TTN: variants seen among roughly 807,000 people sequenced by gnomAD.
The protein encoded by TTN is connectin.
In TTN, 1,525 loss-of-function variants were observed where a neutral mutation model predicts 3,223.0. That is an observed-to-expected ratio of 0.47 (90% CI 0.45 to 0.49). TTN has a LOEUF of 0.49. Ranked by LOEUF, TTN falls within the 20% of genes least tolerant of loss-of-function variation. TTN has a pLI of 0.00. For missense variants in TTN, 40,786 were observed against 43,424.0 expected, an observed-to-expected ratio of 0.94 and a Z score of 5.40; for synonymous variants, 14,094 against 15,161.0, an observed-to-expected ratio of 0.93 and a Z score of 5.17.
At position 178,592,008 on chromosome 2, in the gene TTN, G is replaced by A; in HGVS notation, c.59896C>T (p.Pro19966Ser). 1 of 1,613,000 alleles carries A rather than the reference G, an allele frequency of 6.2e-7. No individual in the cohort carries two copies. The change falls in exon 302 of 363, where the codon CCA becomes TCA. Residue 19966 changes from proline to serine, a missense_variant. Coordinates refer to ENST00000589042, the MANE Select transcript of TTN (RefSeq NM_001267550.2). ...QYGRGPFVET[P>S]KPIKALDPLH... ...GGATCCAAAGCCTTGATTGGTTTTG[G>A]TGTTTCAACAAAAGGACCACGTCCA...
intron 47 of TTN, chr2:178,750,112 T>C: frequency 6.2e-7 from 1 of 1,613,202 alleles, no homozygotes; most frequent in Non-Finnish European, 8.5e-7. Flanking sequence ...AAAGCAATTC[T>C]GTGTCTCCAG....
Position 178,595,740 on chromosome 2 carries a change from C to T in TTN, c.57614G>A (p.Trp19205Ter), listed in dbSNP as rs772966626. The change falls in exon 295 of 363, where the codon TGG (tryptophan) becomes TAG (stop). Residue 19205 changes from tryptophan (W) to a stop codon, truncating the protein, a stop_gained. Transcript: ENST00000589042. LOFTEE classifies it high-confidence loss of function. ...NLTNESCKLT[W>*]FSPEDDGGSP... ...GCCTCCATCATCTTCTGGAGAAAAC[C>T]ATGTCAGTTTGCAGGACTCATTGGT... 6.2e-7 allele frequency: 1 copy of T among 1,609,466 alleles called. No homozygotes were observed. Among genetic ancestry groups the T allele is most frequent in the Non-Finnish European group, 8.5e-7 (1 of 1,178,034 alleles).
Position 178,552,224 on chromosome 2 carries a change from A to G in TTN, c.90676T>C (p.Ser30226Pro), listed in dbSNP as rs1334122653. 6.2e-7 allele frequency: 1 copy of G among 1,613,398 alleles called. No individual in the cohort carries two copies. The highest frequency in any genetic ancestry group is 1.7e-5 in the Admixed American group (1 of 59,946). The change falls in exon 335 of 363, where the codon TCA (serine) becomes CCA (proline). Residue 30226 changes from serine to proline, a missense_variant. Physicochemically the swap from Ser to Pro is moderately conservative, Grantham distance 74 (BLOSUM62 -1). Coordinates refer to ENST00000589042, the MANE Select transcript of TTN (RefSeq NM_001267550.2). ...PITVITLGPP[S>P]KPKGPIRFDE... ...AATCGAATGGGTCCTTTGGGCTTTG[A>G]TGGTGGGCCAAGGGTGATGACTGTA...
chr2:178,791,968 A>G, intron 10 of TTN, 104 bp downstream of exon 10: 1 of 1,293,604 alleles, frequency 7.7e-7, no homozygotes, highest in Non-Finnish European at 1.1e-6. Flanking sequence ...AAAATATACA[A>G]CCAAAGACTT....
At position 178,717,262 on chromosome 2, in the gene TTN, T is replaced by C; in HGVS notation, c.25472A>G (p.Lys8491Arg). The C allele has an allele frequency of 6.2e-7, 1 of 1,613,722 alleles. No homozygotes were observed. The highest frequency in any genetic ancestry group is 8.5e-7 in the Non-Finnish European group (1 of 1,179,690). The change falls in exon 88 of 363, where the codon AAA becomes AGA. Residue 8491 changes from lysine to arginine, a missense_variant. Lys to Arg is a conservative substitution (Grantham distance 26). Transcript: ENST00000589042. Reference sequence around the variant, plus strand: ...TCCAGGGCGAATCTCTCGGTTATCTTTGGCCCAAGTGATTTTGATTGGTGC... The same window carrying C: ...TCCAGGGCGAATCTCTCGGTTATCTCTGGCCCAAGTGATTTTGATTGGTGC... ...GTAPIKITWA[K>R]DNREIRPGGN...
chr2:178,574,483 G>A lies in TTN; in HGVS notation c.71649C>T (p.Gly23883=). 6.2e-7 allele frequency: 1 copy of A among 1,613,626 alleles called. No individual in the cohort carries two copies. The highest frequency in any genetic ancestry group is 8.5e-7 in the Non-Finnish European group (1 of 1,179,634). ...TAAGTCCACTTGATTTGAAAATGTT[G>A]CCTGGTACTAAAGCTTTGCTCACAG... ...WQTVSKALVP[G]NIFKSSGLTD... The change falls in exon 326 of 363, where the codon GGC becomes GGT. Residue 23883 remains glycine (G), a synonymous_variant. Coordinates refer to ENST00000589042, the MANE Select transcript of TTN (RefSeq NM_001267550.2).
Position 178,536,983 on chromosome 2 carries a change from C to A in TTN, c.100126G>T (p.Asp33376Tyr). The change falls in exon 356 of 363, where the codon GAC (aspartate) becomes TAC (tyrosine). Residue 33376 changes from aspartate to tyrosine, a missense_variant. Coordinates refer to ENST00000589042, the MANE Select transcript of TTN (RefSeq NM_001267550.2). Reference protein sequence around the residue: ...VSAQNTFGISDPLEVSSVVII... With the variant: ...VSAQNTFGISYPLEVSSVVII... ...ACAACTGAGGACACTTCTAGAGGGTCACTGATGCCGAAAGTGTTCTGAGCT... is the reference window on the plus strand; with the variant it reads ...ACAACTGAGGACACTTCTAGAGGGTAACTGATGCCGAAAGTGTTCTGAGCT... 6.2e-7 allele frequency: 1 copy of A among 1,613,308 alleles called. No homozygotes were observed. The highest frequency in any genetic ancestry group is 1.1e-5 in the South Asian group (1 of 90,972).
In TTN at chr2:178,758,998, T is replaced by TTGGC. The variant is rs2088191243; in HGVS notation, c.10285_10288dup (p.Asn3430SerfsTer9). On this transcript the variant is annotated frameshift_variant, in exon 44 of 363. Transcript: ENST00000589042. LOFTEE classifies it high-confidence loss of function. ...TTTTACTTTACCTTCCAGACTCAGG[T>TTGGC]TGGCTGTGCTTGATACTTGGCCTAC... 2 of 1,614,038 alleles carry TTGGC rather than the reference T, an allele frequency of 1.2e-6. No individual in the cohort carries two copies. Among genetic ancestry groups the TTGGC allele is most frequent in the Non-Finnish European group, 1.7e-6 (2 of 1,179,932 alleles).
In TTN at chr2:178,546,544, T is replaced by A. The variant is rs755839789; in HGVS notation, c.94829-42A>T. On this transcript the variant is annotated intron_variant, in intron 341 of 362. Coordinates refer to ENST00000589042, the MANE Select transcript of TTN (RefSeq NM_001267550.2). Reference sequence around the variant, plus strand: ...CAGATATGAATGAATATCTGAGAGTTTATTTTCACATAAATTGAGATAATT... The same window carrying A: ...CAGATATGAATGAATATCTGAGAGTATATTTTCACATAAATTGAGATAATT... The A allele has an allele frequency of 3.8e-6, 6 of 1,596,374 alleles. No homozygotes were observed. In the East Asian group the frequency reaches 1.1e-4, roughly 30 times the overall value.
chr2:178,618,282 C>T lies in TTN; in HGVS notation c.47176G>A (p.Val15726Ile), dbSNP rs768983974. 3 of 1,612,634 alleles carry T rather than the reference C, an allele frequency of 1.9e-6. No homozygotes were observed. The highest frequency in any genetic ancestry group is 2.5e-6 in the Non-Finnish European group (3 of 1,179,150). The change falls in exon 252 of 363, where the codon GTT (valine) becomes ATT (isoleucine). Residue 15726 changes from valine to isoleucine, a missense_variant. Transcript: ENST00000589042. ...FTVTGLQKGG[V>I]EYLFRVSARN... ...GCACTCACACGGAATAGGTACTCAA[C>T]TCCTCCTTTCTGTAGACCAGTGACA... is the stretch of plus-strand genomic sequence containing the variant.
Position 178,653,049 on chromosome 2 carries a change from G to C in TTN, c.38867C>G (p.Pro12956Arg). Reference protein sequence around the residue: ...VTPPKKPEVPPVKVPEAPIEV... With the variant: ...VTPPKKPEVPRVKVPEAPIEV... ...AAGCCAGTGACAAATACCTTTAACA[G>C]GTGGGACTTCAGGTTTTTTAGGAGG... The change falls in exon 199 of 363, where the codon CCT (proline) becomes CGT (arginine). Residue 12956 changes from proline to arginine, a missense_variant. Physicochemically the swap from Pro to Arg is moderately radical, Grantham distance 103. Transcript: ENST00000589042. The C allele has an allele frequency of 3.1e-6, 5 of 1,613,264 alleles. No individual in the cohort carries two copies. The highest frequency in any genetic ancestry group is 1.3e-5 in the African/African-American group (1 of 74,956).
At chr2:178,603,738 C>A in intron 282 of TTN, 138 bp downstream of exon 282, 1 of 812,572 alleles carries the variant, frequency 1.2e-6, no homozygotes, top group Non-Finnish European at 1.8e-6. Context: ...TTCCGATAGT[C>A]TATGTGAACA....
chr2:178,745,841 A>G, intron 47 of TTN: 1 of 1,613,162 alleles, frequency 6.2e-7, no homozygotes, highest in Non-Finnish European at 8.5e-7. Context: ...ACAGTCAGAA[A>G]TACCTTTGAT....
In TTN at chr2:178,602,378, G is replaced by T. The variant is rs1003576282; in HGVS notation, c.55024C>A (p.Leu18342Ile). ...TTCACTCTGAATCTGTACTTCCTGA[G>T]CTCTTTCAGATTAGGCACCACACAT... ...CECVVPNLKE[L>I]RKYRFRVKAV... Residue 18342 changes from leucine to isoleucine, a missense_variant, in exon 283 of 363, where the codon CTC (leucine) becomes ATC (isoleucine). By Grantham distance (5) the Leu-to-Ile change is conservative. Transcript: ENST00000589042. The T allele has an allele frequency of 2.5e-6, 4 of 1,612,658 alleles. No individual in the cohort carries two copies. The highest frequency in any genetic ancestry group is 3.4e-6 in the Non-Finnish European group (4 of 1,179,282).
Position 178,672,417 on chromosome 2 carries a change from G to A in TTN, c.34920C>T (p.Pro11640=), listed in dbSNP as rs1302696503. 2 of 1,601,720 alleles carry A rather than the reference G, an allele frequency of 1.2e-6. No individual in the cohort carries two copies. Among genetic ancestry groups the A allele is most frequent in the Admixed American group, 1.7e-5 (1 of 57,592 alleles). Residue 11640 remains proline, a synonymous_variant, in exon 154 of 363, where the codon CCC becomes CCT. Transcript: ENST00000589042. The part of the protein sequence containing the change: ...KVLVPKKEAV[P]PAKGRTVLEE... ...TCTTTCCAAAAATACCTTTAGCTGG[G>A]GGAACAGCTTCCTTTTTAGGCACAA...
Position 178,629,528 on chromosome 2 carries a change from G to A in TTN, c.44282-85C>T, listed in dbSNP as rs542916506. 1.9e-6 allele frequency: 3 copies of A among 1,583,620 alleles called. No individual in the cohort carries two copies. In the African/African-American group the frequency reaches 4.1e-5, roughly 22 times the overall value. On this transcript the variant is annotated intron_variant, in intron 239 of 362. Transcript: ENST00000589042. The stretch of plus-strand genomic sequence containing the variant: ...TAGAGACTTAGATATGAATCTTCAT[G>A]GTTGCTTTCTTCAAGAAGCCACAGG...
chr2:178,614,437 T>A, intron 261 of TTN, 29 bp downstream of exon 261: 2 of 1,584,602 alleles, frequency 1.3e-6, no homozygotes, highest in Admixed American at 3.9e-5. Context: ...AAAGAGTTTA[T>A]CCCCTTTTAA....
At position 178,651,232 on chromosome 2, in the gene TTN, G is replaced by C; in HGVS notation, c.39625+11C>G. ...AGTGCTTTTCTGCAGAATCTCATTA[G>C]TGACATGTACCTTTTGCTGGTGGGA... On this transcript the variant is annotated intron_variant, in intron 208 of 362. Coordinates refer to ENST00000589042, the MANE Select transcript of TTN (RefSeq NM_001267550.2). 6.2e-7 allele frequency: 1 copy of C among 1,608,634 alleles called. No homozygotes were observed. The highest frequency in any genetic ancestry group is 8.5e-7 in the Non-Finnish European group (1 of 1,176,506).
chr2:178,736,436 A>C (rs1316288393), intron 49 of TTN, among the ~76,000 whole-genome samples: 2 of 152,216 alleles, frequency 1.3e-5, no homozygotes, highest in East Asian at 3.9e-4. Context: ...AAGATAAAGA[A>C]AATGTATTTG....
Sources: allele counts gnomAD v4.1 joint callset (sites outside exome capture counted in the v4.1 genomes callset), GRCh38; gene constraint gnomAD v4.1.1; transcripts MANE v1.5; gene names NCBI Gene and HGNC (gene_info 2026-07-23, HGNC 2026-07-21).